The following TYW1 variants were observed in gnomAD, a reference collection of about 807,000 sequenced individuals.
The protein encoded by TYW1 is tRNA-yW synthesizing protein 1 homolog.
In TYW1, 46 loss-of-function variants were observed where a neutral mutation model predicts 96.2. That is an observed-to-expected ratio of 0.48 (90% CI 0.38 to 0.61). The LOEUF (loss-of-function observed/expected upper bound fraction) is 0.61. Among genes scored for constraint, TYW1 ranks in the 20% least tolerant of loss-of-function variants. The pLI, the probability that TYW1 is intolerant of heterozygous loss-of-function variation, is 0.00. For missense variants in TYW1, 684 were observed against 909.6 expected (o/e 0.75, Z 3.19); for synonymous variants, 274 against 323.0 (o/e 0.85, Z 1.63).
chr7:67,157,431 G>T (rs1799017869), intron 13 of TYW1, among the ~76,000 whole-genome samples: 5 of 152,072 alleles, frequency 3.3e-5, no homozygotes, highest in Admixed American at 2.0e-4. Flanking sequence ...GATTGCAGGT[G>T]TCAACCACCA....
chr7:67,131,690 A>G (rs989762011), intron 13 of TYW1, among the ~76,000 whole-genome samples: 3 of 152,186 alleles, frequency 2.0e-5, no homozygotes, highest in African/African-American at 7.2e-5. Context: ...AAGTCCCACA[A>G]TAGGTCATCT....
intron 15 of TYW1, among the ~76,000 whole-genome samples, chr7:67,222,866 CTTTTTTTTTTT>C (rs570972265): frequency 9.1e-6 from 1 of 109,630 alleles, no homozygotes; most frequent in African/African-American, 3.6e-5. Context: ...CGCTTTTTTT[CTTTTTTTTTTT>C]TTTTTTTTGC....
At position 67,177,961 on chromosome 7, in the gene TYW1, C is replaced by T. The variant is rs1799726595; in HGVS notation, c.1699-5165C>T. Among the ~76,000 whole-genome samples, 3 of 144,196 alleles carry T rather than the reference C, an allele frequency of 2.1e-5. No homozygotes were observed. The South Asian group carries it at 6.8e-4, about 33-fold the overall frequency. 94.6% of individuals were successfully genotyped at this position (144,196 alleles called of 152,430 possible). On this transcript the variant is annotated intron_variant, in intron 13 of 15. Coordinates refer to ENST00000359626, the MANE Select transcript of TYW1 (RefSeq NM_018264.4). ...TTGAGCCCAAGAGTTCGAGACCAGCCTGGGCAACAAAGTGAGAGCCTGTCT... is the reference window on the plus strand; with the variant it reads ...TTGAGCCCAAGAGTTCGAGACCAGCTTGGGCAACAAAGTGAGAGCCTGTCT...
intron 15 of TYW1, among the ~76,000 whole-genome samples, chr7:67,199,740 C>G (rs1321088648): frequency 3.3e-5 from 5 of 152,034 alleles, no homozygotes; most frequent in African/African-American, 1.2e-4. Context: ...CTCCCTGTTC[C>G]TCTCTCTCTG....
rs2129247242 is a variant in TYW1, at chr7:67,025,662, A to C, written c.984+640A>C. ...GACTGGGGCCCCTAGGAATCCAGGAAATACCAATCTGGGATGTGACTGTTT... is the reference window on the plus strand; with the variant it reads ...GACTGGGGCCCCTAGGAATCCAGGACATACCAATCTGGGATGTGACTGTTT... On this transcript the variant is annotated intron_variant, in intron 7 of 15. Transcript: ENST00000359626. Among the ~76,000 whole-genome samples, 3 of 152,266 alleles carry C rather than the reference A, an allele frequency of 2.0e-5. No homozygotes were observed. The East Asian group carries it at 5.8e-4, about 29-fold the overall frequency.
chr7:67,123,724 A>G (rs1257499632), intron 13 of TYW1, among the ~76,000 whole-genome samples: 3 of 152,236 alleles, frequency 2.0e-5, no homozygotes, highest in Non-Finnish European at 4.4e-5. Context: ...TTTCAACGTG[A>G]AGCACATAGA....
Position 67,018,028 on chromosome 7 carries a change from A to G in TYW1, c.746A>G (p.Lys249Arg). Residue 249 changes from lysine (K) to arginine (R), a missense_variant, in exon 6 of 16, where the codon AAG (lysine) becomes AGG (arginine). Lys to Arg is a conservative substitution (Grantham distance 26). Transcript: ENST00000359626. ...CAGGCACTTCAGAAAGGGGAGAGAA[A>G]GAAGTCCTGTGGCGGCCACTGCAAG... ...QLQALQKGER[K>R]KSCGGHCKKG... 6.2e-7 allele frequency: 1 copy of G among 1,614,126 alleles called. No homozygotes were observed.
chr7:67,198,250 T>G (rs1202093943), intron 15 of TYW1, among the ~76,000 whole-genome samples: 1 of 152,056 alleles, frequency 6.6e-6, no homozygotes, highest in Non-Finnish European at 1.5e-5. Context: ...CAACTTTGTT[T>G]ATAAAGAAAA....
At chr7:67,084,959 A>T (rs1330036176) in intron 11 of TYW1, among the ~76,000 whole-genome samples, 1 of 152,180 alleles carries the variant, frequency 6.6e-6, no homozygotes, top group Non-Finnish European at 1.5e-5. Context: ...TTGAATCTCT[A>T]TGCTCTGGTC....
chr7:67,054,916 T>C (rs1328793390), intron 8 of TYW1, among the ~76,000 whole-genome samples: 1 of 152,198 alleles, frequency 6.6e-6, no homozygotes, highest in African/African-American at 2.4e-5. Flanking sequence ...AAATGACAGG[T>C]TATAGTGCTA....
intron 14 of TYW1, among the ~76,000 whole-genome samples, chr7:67,193,524 C>T (rs1363681913): frequency 2.6e-5 from 4 of 152,038 alleles, no homozygotes; most frequent in South Asian, 2.1e-4. Flanking sequence ...CATAGGAGGC[C>T]GAGATGGGCA....
intron 12 of TYW1, among the ~76,000 whole-genome samples, chr7:67,114,068 A>G (rs938869998): frequency 3.9e-5 from 6 of 152,246 alleles, no homozygotes; most frequent in African/African-American, 1.4e-4. Context: ...GAACTGATCA[A>G]GAAGGGTAAA....
intron 13 of TYW1, among the ~76,000 whole-genome samples, chr7:67,170,426 A>G (rs1036931997): frequency 6.6e-6 from 1 of 152,128 alleles, no homozygotes; most frequent in African/African-American, 2.4e-5. Context: ...ATGCATTTCC[A>G]TATGCATTTT....
chr7:67,234,348 T>TAAAAAAAAAAAA (rs57100190), intron 15 of TYW1, among the ~76,000 whole-genome samples: 2 of 93,342 alleles, frequency 2.1e-5, no homozygotes, highest in South Asian at 3.9e-4. Flanking sequence ...ACCTATCTCT[T>TAAAAAAAAAAAA]AAAAAAAAAA....
At chr7:67,066,805 A>G (rs1265079701) in intron 9 of TYW1, among the ~76,000 whole-genome samples, 2 of 152,148 alleles carry the variant, frequency 1.3e-5, no homozygotes, top group African/African-American at 4.8e-5. Context: ...CTATGATTGT[A>G]CCACTGCACT....
At chr7:67,092,544 A>G (rs1423613422) in intron 11 of TYW1, among the ~76,000 whole-genome samples, 1 of 151,654 alleles carries the variant, frequency 6.6e-6, no homozygotes, top group Non-Finnish European at 1.5e-5. Flanking sequence ...TCCTCCAGCT[A>G]CACTCTCCTT....
intron 13 of TYW1, among the ~76,000 whole-genome samples, chr7:67,120,376 C>G (rs1189589784): frequency 1.3e-5 from 2 of 152,196 alleles, no homozygotes; most frequent in Non-Finnish European, 2.9e-5. Context: ...AGCCACTGCA[C>G]CCAGTCTGTT....
chr7:67,172,993 C>T (rs1436672929), intron 13 of TYW1, among the ~76,000 whole-genome samples: 3 of 152,042 alleles, frequency 2.0e-5, no homozygotes, highest in Admixed American at 2.0e-4. Flanking sequence ...TGGTGATGCA[C>T]CAGTGCACTC....
chr7:67,162,313 CA>C (rs60661089), intron 13 of TYW1, among the ~76,000 whole-genome samples: 2,740 of 101,896 alleles, frequency 0.027, 72 homozygotes, highest in East Asian at 0.17. Context: ...GACTCTGTCT[CA>C]AAAAAAAAAA....
Sources: allele counts gnomAD v4.1 joint callset (sites outside exome capture counted in the v4.1 genomes callset), GRCh38; gene constraint gnomAD v4.1.1; transcripts MANE v1.5; gene names NCBI Gene and HGNC (gene_info 2026-07-23, HGNC 2026-07-21).